PLEKHA5: variants seen among roughly 807,000 people sequenced by gnomAD.
PLEKHA5 encodes the protein pleckstrin homology domain containing A5, also known as pleckstrin homology domain-containing family A member 5.
In PLEKHA5, 55 loss-of-function variants were observed where a neutral mutation model predicts 181.9. That is an observed-to-expected ratio of 0.30 (90% CI 0.24 to 0.38). The LOEUF is 0.38. Ranked by LOEUF, PLEKHA5 falls within the 10% of genes least tolerant of loss-of-function variation. The probability of loss-of-function intolerance (pLI) is 1.00; values close to 1 mark genes in which losing one functional copy is unlikely to be tolerated. For missense variants in PLEKHA5, 1,432 were observed against 1,549.5 expected (o/e 0.92, Z 1.27); for synonymous variants, 535 against 529.4 (o/e 1.01, Z -0.15).
At chr12:19,362,167 CAAAAAAAAAAAAA>C (rs33984774) in intron 29 of PLEKHA5, among the ~76,000 whole-genome samples, 25 of 61,632 alleles carry the variant, frequency 4.1e-4, no homozygotes, top group Middle Eastern at 0.016. Flanking sequence ...GACTCTGTCT[CAAAAAAAAAAAAA>C]AAAAAAAAAA....
At chr12:19,272,621 C>T (rs917502793) in intron 10 of PLEKHA5, among the ~76,000 whole-genome samples, 6 of 151,932 alleles carry the variant, frequency 3.9e-5, no homozygotes, top group Admixed American at 6.6e-5. Flanking sequence ...CCTATAGTCC[C>T]GGCTGCTCGG....
chr12:19,322,374 A>G lies in PLEKHA5; in HGVS notation c.2282A>G (p.Gln761Arg), dbSNP rs1466219957. Residue 761 changes from glutamine (Q) to arginine (R), a missense_variant, in exon 19 of 32, where the codon CAA becomes CGA. Gln to Arg is a conservative substitution (Grantham distance 43). Coordinates refer to ENST00000429027, the MANE Select transcript of PLEKHA5 (RefSeq NM_001256470.2). The stretch of plus-strand genomic sequence containing the variant: ...CATGCTCTGGAAGAGAAACTTCAGC[A>G]ACTCCACAAGGAGAAAGTAGGACAA... ...VVHALEEKLQ[Q>R]LHKEKYTLEQ... 1 of 1,612,172 alleles carries G rather than the reference A, an allele frequency of 6.2e-7. No homozygotes were observed. The highest frequency in any genetic ancestry group is 8.5e-7 in the Non-Finnish European group (1 of 1,178,254).
rs368298915 is a variant in PLEKHA5 at position 19,338,618 on chromosome 12, AAC to A, written c.2550+2006_2550+2007del. Reference sequence around the variant, plus strand: ...GGGAGACTCTGTCTCAAAAAAAAAAAACACAAAGTGCTGAGATTACAGGCATG... The same window carrying A: ...GGGAGACTCTGTCTCAAAAAAAAAAAACAAAGTGCTGAGATTACAGGCATG... On this transcript the variant is annotated intron_variant, in intron 21 of 31. Coordinates refer to ENST00000429027, the MANE Select transcript of PLEKHA5 (RefSeq NM_001256470.2). Among the ~76,000 whole-genome samples the A allele has an allele frequency of 4.7e-3, 717 of 151,926 alleles. 2 individuals carry two copies. The highest frequency in any genetic ancestry group is 0.013 in the African/African-American group (522 of 41,444).
At chr12:19,189,637 GCAGGAAGTTTGGTATACCAGT>G (rs1367298001) in intron 3 of PLEKHA5, among the ~76,000 whole-genome samples, 1 of 152,210 alleles carries the variant, frequency 6.6e-6, no homozygotes, top group East Asian at 1.9e-4. Flanking sequence ...GAAATTTCAG[GCAGGAAGTTTGGTATACCAGT>G]CTGCAACTCA....
intron 3 of PLEKHA5, among the ~76,000 whole-genome samples, chr12:19,177,214 T>C (rs147069711): frequency 2.2e-4 from 33 of 152,316 alleles, no homozygotes; most frequent in African/African-American, 7.7e-4. Context: ...AAATGTCTCT[T>C]ATCAGTTTCC....
At chr12:19,230,546 G>T (rs868608784) in intron 3 of PLEKHA5, among the ~76,000 whole-genome samples, 3 of 152,184 alleles carry the variant, frequency 2.0e-5, no homozygotes, top group Non-Finnish European at 4.4e-5. Flanking sequence ...AGCACGGTGC[G>T]GGTAGGCTGG....
chr12:19,229,457 T>C lies in PLEKHA5; in HGVS notation c.228-24483T>C, dbSNP rs1434209943. Among the ~76,000 whole-genome samples the C allele has an allele frequency of 2.0e-5, 3 of 152,092 alleles. No homozygotes were observed. In the East Asian group the frequency reaches 5.8e-4, roughly 29 times the overall value. The stretch of plus-strand genomic sequence containing the variant: ...GGCTTCAGGAGTGAAGCTGCAGACC[T>C]TCGCGGTGAGTGTTACAGCTCTTAA... On this transcript the variant is annotated intron_variant, in intron 3 of 31. Coordinates refer to ENST00000429027, the MANE Select transcript of PLEKHA5 (RefSeq NM_001256470.2).
chr12:19,304,756 C>CT (rs112010862), intron 15 of PLEKHA5, among the ~76,000 whole-genome samples: 2,004 of 143,596 alleles, frequency 0.014, 30 homozygotes, highest in African/African-American at 0.045. Flanking sequence ...GGCCGGGGGG[C>CT]TTTTTTTTTT....
chr12:19,249,058 C>T (rs1482015637), intron 3 of PLEKHA5, among the ~76,000 whole-genome samples: 1 of 152,148 alleles, frequency 6.6e-6, no homozygotes, highest in African/African-American at 2.4e-5. Flanking sequence ...GTGGGACAGG[C>T]ATGCTGATTC....
At chr12:19,342,896 C>T (rs1394676580) in intron 21 of PLEKHA5, among the ~76,000 whole-genome samples, 1 of 152,110 alleles carries the variant, frequency 6.6e-6, no homozygotes, top group Non-Finnish European at 1.5e-5. Flanking sequence ...GAAGTTAGTA[C>T]ACCTTCCATT....
chr12:19,281,303 C>T (rs1037567506), intron 11 of PLEKHA5, among the ~76,000 whole-genome samples: 1 of 151,592 alleles, frequency 6.6e-6, no homozygotes, highest in Non-Finnish European at 1.5e-5. Flanking sequence ...GAAATGGAGG[C>T]CAGGCGCTCA....
intron 3 of PLEKHA5, among the ~76,000 whole-genome samples, chr12:19,167,702 G>A (rs1212912542): frequency 6.6e-6 from 1 of 151,962 alleles, no homozygotes; most frequent in African/African-American, 2.4e-5. Flanking sequence ...TGTACTTATG[G>A]AGTCTTCATT....
At chr12:19,252,937 C>T (rs1014692173) in intron 3 of PLEKHA5, among the ~76,000 whole-genome samples, 3 of 151,654 alleles carry the variant, frequency 2.0e-5, no homozygotes, top group African/African-American at 7.3e-5. Flanking sequence ...CCATGTTGGA[C>T]CATAAAACAG....
In PLEKHA5 at chr12:19,357,254, C is replaced by CT. The variant is rs5796799; in HGVS notation, c.3139-955dup. On this transcript the variant is annotated intron_variant, in intron 26 of 31. Transcript: ENST00000429027. The stretch of plus-strand genomic sequence containing the variant: ...CCAGAGCTGCCATATTCTTTATATT[C>CT]TTTTTTTTTTTTTTTTTTTGAGACA... Among the ~76,000 whole-genome samples, 261 of 96,072 alleles carry CT rather than the reference C, an allele frequency of 2.7e-3. 2 individuals are homozygous for CT. The highest frequency in any genetic ancestry group is 6.9e-3 in the African/African-American group (200 of 29,032). The allele number at this position is 96,072 out of a possible 152,430, so 63.0% of individuals were successfully genotyped here.
At chr12:19,245,749 A>C (rs914891377) in intron 3 of PLEKHA5, among the ~76,000 whole-genome samples, 24 of 147,284 alleles carry the variant, frequency 1.6e-4, no homozygotes, top group African/African-American at 5.8e-4. Flanking sequence ...AAAAAAAAAA[A>C]ACCTTCCTTT....
At chr12:19,359,691 C>T (rs767170416) in intron 28 of PLEKHA5, 145 bp downstream of exon 28, 40 of 752,718 alleles carry the variant, frequency 5.3e-5, no homozygotes, top group Non-Finnish European at 6.7e-5. Flanking sequence ...TGGCCGGGCG[C>T]GGTGGCTCAC....
intron 3 of PLEKHA5, among the ~76,000 whole-genome samples, chr12:19,159,977 G>A (rs2042596426): frequency 6.6e-6 from 1 of 151,962 alleles, no homozygotes; most frequent in Admixed American, 6.6e-5. Context: ...TGTGGATGGT[G>A]GAATTAAGAT....
At chr12:19,228,830 G>A (rs1209785367) in intron 3 of PLEKHA5, among the ~76,000 whole-genome samples, 1 of 151,994 alleles carries the variant, frequency 6.6e-6, no homozygotes, top group Non-Finnish European at 1.5e-5. Context: ...TATGGAAAAA[G>A]CATTACACTC....
chr12:19,364,424 T>C (rs2095357669), intron 29 of PLEKHA5, among the ~76,000 whole-genome samples: 1 of 151,920 alleles, frequency 6.6e-6, no homozygotes, highest in African/African-American at 2.4e-5. Flanking sequence ...GGCACAAGAA[T>C]TGCTTGAGCC....
Sources: gnomAD v4.1 joint callset for allele counts (sites outside exome capture counted in the v4.1 genomes callset) on GRCh38, gnomAD v4.1.1 for gene constraint, MANE v1.5 for transcripts, NCBI Gene and HGNC (gene_info 2026-07-23, HGNC 2026-07-21) for gene names.